ARHGAP12: variants seen among roughly 807,000 people sequenced by gnomAD.
ARHGAP12 encodes the protein rho GTPase-activating protein 12.
In ARHGAP12, 64 loss-of-function variants were observed where a neutral mutation model predicts 108.6. The observed-to-expected ratio is 0.59, with a 90% CI of 0.48 to 0.73. The LOEUF is 0.73. Among genes scored for constraint, ARHGAP12 ranks in the 30% least tolerant of loss-of-function variants. The pLI is 0.00. For missense variants in ARHGAP12, 940 were observed against 1,005.9 expected (o/e 0.93, Z 0.89); for synonymous variants, 312 against 337.2 (o/e 0.93, Z 0.82).
chr10:31,916,186 T>G (rs1424285698), intron 1 of ARHGAP12, among the ~76,000 whole-genome samples: 1 of 152,136 alleles, frequency 6.6e-6, no homozygotes, highest in African/African-American at 2.4e-5. Flanking sequence ...TTACAACTAC[T>G]AAGTACCCAA....
chr10:31,877,478 A>G (rs926045273), intron 3 of ARHGAP12, among the ~76,000 whole-genome samples: 1 of 152,108 alleles, frequency 6.6e-6, no homozygotes, highest in Non-Finnish European at 1.5e-5. Flanking sequence ...AAAAGATCAC[A>G]CTCCTTCTCA....
chr10:31,883,492 G>A (rs1167530600), intron 3 of ARHGAP12, among the ~76,000 whole-genome samples: 1 of 152,090 alleles, frequency 6.6e-6, no homozygotes, highest in Non-Finnish European at 1.5e-5. Flanking sequence ...ACATAGTAGA[G>A]GTATTTTTAA....
Position 31,810,527 on chromosome 10 carries a change from T to C in ARHGAP12, c.2050+122A>G, listed in dbSNP as rs567943860. The C allele has an allele frequency of 2.0e-4, 129 of 634,966 alleles. No homozygotes were observed. In the African/African-American group the frequency reaches 2.1e-3, roughly 10 times the overall value. The allele number at this position is 634,966 out of a possible 1,614,324, so 39.3% of individuals were successfully genotyped here. On this transcript the variant is annotated intron_variant, in intron 16 of 19. Coordinates refer to ENST00000344936, the MANE Select transcript of ARHGAP12 (RefSeq NM_018287.7). The stretch of plus-strand genomic sequence containing the variant: ...AAACAAAATTATTTTCTTAACATCT[T>C]AGGACTATAAGGAACTTCTGTTTGC...
At chr10:31,816,754 A>T (rs1835219278) in intron 13 of ARHGAP12, among the ~76,000 whole-genome samples, 1 of 152,212 alleles carries the variant, frequency 6.6e-6, no homozygotes, top group Non-Finnish European at 1.5e-5. Flanking sequence ...AGGTAAGATT[A>T]AATAAGGAAA....
At chr10:31,877,886 G>A (rs2132354692) in intron 3 of ARHGAP12, among the ~76,000 whole-genome samples, 1 of 152,302 alleles carries the variant, frequency 6.6e-6, no homozygotes, top group Non-Finnish European at 1.5e-5. Context: ...GAGCCCAGCA[G>A]TTTGAGACCA....
chr10:31,859,051 C>G (rs1221601683), intron 4 of ARHGAP12, among the ~76,000 whole-genome samples: 2 of 152,146 alleles, frequency 1.3e-5, no homozygotes, highest in Non-Finnish European at 2.9e-5. Context: ...CTTCTACATA[C>G]CTGGCTGCTA....
At chr10:31,893,948 C>A (rs1838566373) in intron 3 of ARHGAP12, among the ~76,000 whole-genome samples, 2 of 152,328 alleles carry the variant, frequency 1.3e-5, no homozygotes, top group South Asian at 4.1e-4. Flanking sequence ...TCAACATACA[C>A]AAATCAGTAA....
chr10:31,845,522 C>T (rs915526982), intron 6 of ARHGAP12, among the ~76,000 whole-genome samples: 4 of 152,040 alleles, frequency 2.6e-5, no homozygotes, highest in Non-Finnish European at 1.5e-5. Context: ...CGGTGGCTCA[C>T]GCCTGTAATC....
intron 10 of ARHGAP12, among the ~76,000 whole-genome samples, chr10:31,828,619 C>T (rs1027480769): frequency 6.6e-6 from 1 of 151,946 alleles, no homozygotes; most frequent in Non-Finnish European, 1.5e-5. Flanking sequence ...ATATTGAATA[C>T]ATAAATAGTA....
At chr10:31,873,383 C>A (rs1837611167) in intron 3 of ARHGAP12, among the ~76,000 whole-genome samples, 2 of 152,072 alleles carry the variant, frequency 1.3e-5, no homozygotes, top group African/African-American at 4.8e-5. Context: ...CAAACATTCT[C>A]CAAAGTTTCC....
chr10:31,855,900 A>G lies in ARHGAP12; in HGVS notation c.949-1694T>C, dbSNP rs78122667. On this transcript the variant is annotated intron_variant, in intron 4 of 19. Coordinates refer to ENST00000344936, the MANE Select transcript of ARHGAP12 (RefSeq NM_018287.7). ...TACAGAACCAGGCTTTAAGATCTGG[A>G]TATCTTCCACTGGAAAATAGTTGTT... Among the ~76,000 whole-genome samples, 30 of 152,326 alleles carry G rather than the reference A, an allele frequency of 2.0e-4. No individual in the cohort carries two copies. In the East Asian group the frequency reaches 2.7e-3, roughly 14 times the overall value.
chr10:31,908,173 C>T lies in ARHGAP12; in HGVS notation c.683G>A (p.Arg228Lys). 6.3e-7 allele frequency: 1 copy of T among 1,581,478 alleles called. No individual in the cohort carries two copies. Among genetic ancestry groups the T allele is most frequent in the South Asian group, 1.2e-5 (1 of 85,118 alleles). The change falls in exon 3 of 20, where the codon AGG becomes AAG. Residue 228 changes from arginine to lysine, a missense_variant and splice_region_variant. Transcript: ENST00000344936. ...TCCTCATTCTATTTTTAATCTTACC[C>T]TTATCTGTTCAGTGGAGCTGCTGCT... is the stretch of plus-strand genomic sequence containing the variant. ...ELSSSSTEQI[R>K]ATTPPNQGRP... is the part of the protein sequence containing the mutation.
intron 3 of ARHGAP12, among the ~76,000 whole-genome samples, chr10:31,896,572 A>C (rs920581359): frequency 6.6e-6 from 1 of 152,104 alleles, no homozygotes; most frequent in Non-Finnish European, 1.5e-5. Flanking sequence ...CTTGATACTC[A>C]AGATTGATAA....
intron 3 of ARHGAP12, among the ~76,000 whole-genome samples, chr10:31,874,315 A>C (rs531280700): frequency 1.1e-3 from 164 of 152,266 alleles, no homozygotes; most frequent in African/African-American, 3.8e-3. Flanking sequence ...ATTTTGAAAA[A>C]CACTACCTAA....
intron 1 of ARHGAP12, among the ~76,000 whole-genome samples, chr10:31,926,506 A>G (rs1840054890): frequency 6.6e-6 from 1 of 152,260 alleles, no homozygotes; most frequent in South Asian, 2.1e-4. Context: ...ATTGTTAAAT[A>G]CAGGACAAAA....
chr10:31,851,295 G>A (rs946569265), intron 6 of ARHGAP12, among the ~76,000 whole-genome samples: 1 of 152,090 alleles, frequency 6.6e-6, no homozygotes, highest in African/African-American at 2.4e-5. Flanking sequence ...AAGAACCTAC[G>A]TAAAATGTGA....
chr10:31,816,981 TTAATA>T (rs771552119), intron 13 of ARHGAP12, among the ~76,000 whole-genome samples: 141 of 152,276 alleles, frequency 9.3e-4, no homozygotes, highest in Admixed American at 1.5e-3. Context: ...ATTTCTGTCA[TTAATA>T]TAATATGATC....
chr10:31,890,005 G>A (rs545647226), intron 3 of ARHGAP12, among the ~76,000 whole-genome samples: 7 of 152,220 alleles, frequency 4.6e-5, no homozygotes, highest in African/African-American at 1.4e-4. Context: ...AACACTGCCT[G>A]TATATACATT....
intron 6 of ARHGAP12, 133 bp from the exon 7 acceptor site, chr10:31,843,719 T>C (rs545136574): frequency 9.4e-7 from 1 of 1,060,228 alleles, no homozygotes; most frequent in East Asian, 2.7e-5. Flanking sequence ...TCCACAAATT[T>C]TCCAGCCTCA....
Sources: gnomAD v4.1 joint callset for allele counts (sites outside exome capture counted in the v4.1 genomes callset) on GRCh38, gnomAD v4.1.1 for gene constraint, MANE v1.5 for transcripts, NCBI Gene and HGNC (gene_info 2026-07-23, HGNC 2026-07-21) for gene names.